The following TPD52L2 variants were observed in gnomAD, a reference collection of about 807,000 sequenced individuals.
TPD52L2 encodes the protein TPD52 like 2.
Under a neutral mutation model 24.7 loss-of-function variants are expected in TPD52L2, and 19 were observed. The ratio of observed to expected loss-of-function variants is 0.77; its 90% CI spans 0.54 to 1.13. TPD52L2 has a LOEUF of 1.13. Ranked by LOEUF, TPD52L2 falls within the 50% of genes most tolerant of loss-of-function variation. The pLI, the probability that TPD52L2 is intolerant of heterozygous loss-of-function variation, is 0.00. For missense variants in TPD52L2, 236 were observed against 250.4 expected, an observed-to-expected ratio of 0.94 and a Z score of 0.39; for synonymous variants, 104 against 100.2, an observed-to-expected ratio of 1.04 and a Z score of -0.23.
chr20:63,866,486 A>G (rs2052240768), intron 1 of TPD52L2, among the ~76,000 whole-genome samples: 1 of 148,538 alleles, frequency 6.7e-6, no homozygotes, highest in Non-Finnish European at 1.5e-5. Context: ...TTTGAGATGG[A>G]GTCTCACTCT....
At chr20:63,881,788 C>T (rs1257978676) in intron 4 of TPD52L2, among the ~76,000 whole-genome samples, 11 of 152,282 alleles carry the variant, frequency 7.2e-5, no homozygotes, top group African/African-American at 2.6e-4. Context: ...GCTGTGGGTT[C>T]GCATTTTGGA....
At chr20:63,869,257 C>G (rs1568937718) in intron 1 of TPD52L2, 39 bp from the exon 2 acceptor site, 3 of 1,612,078 alleles carry the variant, frequency 1.9e-6, no homozygotes, top group Non-Finnish European at 2.5e-6. Context: ...TTGGAACTAA[C>G]TTATTTGACA....
chr20:63,877,966 G>C lies in TPD52L2; in HGVS notation c.374+2091G>C, dbSNP rs915167975. 6.6e-6 allele frequency among the ~76,000 whole-genome samples: 1 copy of C among 151,942 alleles called. No individual in the cohort carries two copies. Among genetic ancestry groups the C allele is most frequent in the African/African-American group, 2.4e-5 (1 of 41,408 alleles). On this transcript the variant is annotated intron_variant, in intron 4 of 6. Transcript: ENST00000346249. The surrounding 1 kb of genome is among the most constrained non-coding windows in gnomAD (Gnocchi z 4.1). ...GGCGATGGTTTCTGCCGGGACGGCC[G>C]AGGCCGAGGGCGGTGGTTTCTGCCG...
Position 63,890,282 on chromosome 20 carries a change from G to A in TPD52L2, c.*337G>A. The A allele has an allele frequency of 2.2e-6, 1 of 448,738 alleles. No homozygotes were observed. Among genetic ancestry groups the A allele is most frequent in the Admixed American group, 4.0e-5 (1 of 24,932 alleles). 27.8% of individuals were successfully genotyped at this position (448,738 alleles called of 1,614,324 possible). ...AATCATGTTAGCCCATCAGAATGTT[G>A]AAGGATTGAAGAGTTCTAAGCATAA... On this transcript the variant is annotated 3_prime_UTR_variant, in exon 7 of 7. Coordinates refer to ENST00000346249, the MANE Select transcript of TPD52L2 (RefSeq NM_003288.4).
Position 63,890,280 on chromosome 20 carries a change from T to C in TPD52L2, c.*335T>C. The C allele has an allele frequency of 4.4e-6, 2 of 449,852 alleles. No individual in the cohort carries two copies. The highest frequency in any genetic ancestry group is 7.9e-6 in the Non-Finnish European group (2 of 254,156). 27.9% of individuals were successfully genotyped at this position (449,852 alleles called of 1,614,324 possible). A position where few individuals can be genotyped will look rare whatever the true frequency, so the allele number is the denominator to read the frequency against. On this transcript the variant is annotated 3_prime_UTR_variant, in exon 7 of 7. Transcript: ENST00000346249. The stretch of plus-strand genomic sequence containing the variant: ...GGAATCATGTTAGCCCATCAGAATG[T>C]TGAAGGATTGAAGAGTTCTAAGCAT...
At chr20:63,885,535 C>A (rs764887547) in intron 5 of TPD52L2, among the ~76,000 whole-genome samples, 19 of 152,382 alleles carry the variant, frequency 1.2e-4, no homozygotes, top group Admixed American at 6.5e-4. Flanking sequence ...CCCACATCCT[C>A]CCACGGTGCG....
intron 4 of TPD52L2, among the ~76,000 whole-genome samples, chr20:63,882,328 C>T (rs987949879): frequency 5.9e-5 from 9 of 152,250 alleles, no homozygotes; most frequent in African/African-American, 9.6e-5. Flanking sequence ...GGGGCCCGTC[C>T]GCTCTAGCAG....
chr20:63,884,612 G>C (rs1378168006), intron 5 of TPD52L2, among the ~76,000 whole-genome samples: 1 of 152,228 alleles, frequency 6.6e-6, no homozygotes, highest in Non-Finnish European at 1.5e-5. Flanking sequence ...CTCCTTCTCT[G>C]ATGGGGAGAA....
chr20:63,884,148 G>A (rs2053008732), intron 5 of TPD52L2, among the ~76,000 whole-genome samples: 1 of 152,178 alleles, frequency 6.6e-6, no homozygotes, highest in South Asian at 2.1e-4. Flanking sequence ...TGTTTCCTCT[G>A]TGCACCCTCA....
rs1412008181 is a variant in TPD52L2 at position 63,889,184 on chromosome 20, T to G, written c.477-6T>G. On this transcript the variant is annotated splice_polypyrimidine_tract_variant and splice_region_variant and intron_variant, in intron 5 of 6. Coordinates refer to ENST00000346249, the MANE Select transcript of TPD52L2 (RefSeq NM_003288.4). ...GACACCGACACTCTTCCCTCTCTCT[T>G]TAAAGGAACTCTGCGACCTTCAAGT... The G allele has an allele frequency of 6.2e-7, 1 of 1,613,198 alleles. No individual in the cohort carries two copies. The highest frequency in any genetic ancestry group is 1.3e-5 in the African/African-American group (1 of 74,900).
intron 5 of TPD52L2, chr20:63,886,895 G>T (rs1323054149): frequency 6.5e-6 from 1 of 154,594 alleles, no homozygotes; most frequent in East Asian, 1.9e-4. Flanking sequence ...CACCCGCCTT[G>T]GCCTCCCAAA....
intron 4 of TPD52L2, among the ~76,000 whole-genome samples, chr20:63,879,911 C>T (rs2052832686): frequency 1.2e-5 from 1 of 84,390 alleles, no homozygotes; most frequent in African/African-American, 5.0e-5. Flanking sequence ...GGCACAAATG[C>T]AGGTGCAGCT....
In TPD52L2 at chr20:63,878,385, A is replaced by G. The variant is rs75832396; in HGVS notation, c.374+2510A>G. Among the ~76,000 whole-genome samples the G allele has an allele frequency of 2.5e-3, 379 of 152,344 alleles. 2 individuals carry two copies. The highest frequency in any genetic ancestry group is 8.8e-3 in the African/African-American group (365 of 41,584). On this transcript the variant is annotated intron_variant, in intron 4 of 6. Coordinates refer to ENST00000346249, the MANE Select transcript of TPD52L2 (RefSeq NM_003288.4). Reference sequence around the variant, plus strand: ...TCTATTTATAGGCAGAGGTAACTAAAAACCTCAGTGCTGAGAGGGGCATCA... The same window carrying G: ...TCTATTTATAGGCAGAGGTAACTAAGAACCTCAGTGCTGAGAGGGGCATCA...
At chr20:63,884,498 T>C (rs1379919351) in intron 5 of TPD52L2, among the ~76,000 whole-genome samples, 1 of 152,202 alleles carries the variant, frequency 6.6e-6, no homozygotes, top group Admixed American at 6.5e-5. Context: ...CTGATTGGAA[T>C]AGCCGTGCAC....
chr20:63,889,642 C>T (rs926525529), intron 6 of TPD52L2, among the ~76,000 whole-genome samples: 2 of 152,228 alleles, frequency 1.3e-5, no homozygotes, highest in African/African-American at 4.8e-5. Context: ...ATACAGTGTG[C>T]AGCTTTTTGG....
intron 2 of TPD52L2, among the ~76,000 whole-genome samples, chr20:63,870,722 G>A (rs1215990977): frequency 9.1e-6 from 1 of 109,324 alleles, no homozygotes; most frequent in East Asian, 2.6e-4. Context: ...GATGGGGTTT[G>A]TTTTTTTTTT....
At chr20:63,889,388 C>A in intron 6 of TPD52L2, 150 bp downstream of exon 6, 1 of 761,852 alleles carries the variant, frequency 1.3e-6, no homozygotes, top group Middle Eastern at 3.2e-4. Flanking sequence ...ACAGTTCTCT[C>A]CTGTGACGAC....
intron 4 of TPD52L2, among the ~76,000 whole-genome samples, chr20:63,881,519 C>T (rs1032899605): frequency 2.0e-5 from 3 of 152,184 alleles, no homozygotes; most frequent in East Asian, 1.9e-4. Context: ...TCAGCTCACA[C>T]GGGCCTTCTG....
rs2052740587 is a variant in TPD52L2 at position 63,877,695 on chromosome 20, T to C, written c.374+1820T>C. Reference sequence around the variant, plus strand: ...ATCCTATTTCAAATAAATAGTGTTTTAGAGAGCTTATTACAACACTCAGCG... The same window carrying C: ...ATCCTATTTCAAATAAATAGTGTTTCAGAGAGCTTATTACAACACTCAGCG... On this transcript the variant is annotated intron_variant, in intron 4 of 6. Coordinates refer to ENST00000346249, the MANE Select transcript of TPD52L2 (RefSeq NM_003288.4). This position sits in a 1 kb window ranked among gnomAD's most constrained non-coding sequence, Gnocchi z 4.1. 6.6e-6 allele frequency among the ~76,000 whole-genome samples: 1 copy of C among 152,276 alleles called. No individual in the cohort carries two copies. The highest frequency in any genetic ancestry group is 6.5e-5 in the Admixed American group (1 of 15,290).
Sources: allele counts gnomAD v4.1 joint callset (sites outside exome capture counted in the v4.1 genomes callset), GRCh38; gene constraint gnomAD v4.1.1; non-coding constraint Gnocchi (gnomAD v3.1); transcripts MANE v1.5; gene names NCBI Gene and HGNC (gene_info 2026-07-23, HGNC 2026-07-21).